Variants in ZSWIM6 observed in about 807,000 individuals in gnomAD.
ZSWIM6 encodes zinc finger SWIM-type containing 6, also known as zinc finger SWIM domain-containing protein 6.
A neutral mutation model predicts 113.2 loss-of-function variants in ZSWIM6; 9 were observed. That is an observed-to-expected ratio of 0.08 (90% CI 0.05 to 0.14). The LOEUF is 0.14. Among genes scored for constraint, ZSWIM6 ranks in the 10% least tolerant of loss-of-function variants. ZSWIM6 has a pLI of 1.00. For missense variants in ZSWIM6, 1,162 were observed against 1,552.2 expected (o/e 0.75, Z 4.22); for synonymous variants, 611 against 606.5 (o/e 1.01, Z -0.11).
intron 4 of ZSWIM6, among the ~76,000 whole-genome samples, chr5:61,510,421 C>T (rs957039233): frequency 2.6e-5 from 4 of 151,920 alleles, no homozygotes; most frequent in African/African-American, 7.3e-5. Flanking sequence ...TTCCCACATT[C>T]TCTGACTGGC....
At chr5:61,457,854 C>G (rs1015747867) in intron 1 of ZSWIM6, among the ~76,000 whole-genome samples, 2 of 152,078 alleles carry the variant, frequency 1.3e-5, no homozygotes, top group Admixed American at 1.3e-4. Flanking sequence ...TCTGATGATA[C>G]TGAAGTACTG....
At chr5:61,431,879 G>A (rs2112136170) in intron 1 of ZSWIM6, among the ~76,000 whole-genome samples, 1 of 152,342 alleles carries the variant, frequency 6.6e-6, no homozygotes, top group South Asian at 2.1e-4. Flanking sequence ...TAGTTTGCCT[G>A]AAGAAAGTTT....
At chr5:61,390,900 G>A (rs1436069086) in intron 1 of ZSWIM6, 4 of 878,768 alleles carry the variant, frequency 4.6e-6, no homozygotes, top group Non-Finnish European at 7.7e-6. Flanking sequence ...AAAGTCATTG[G>A]TCACTTCACC....
At chr5:61,413,070 G>A (rs1004845948) in intron 1 of ZSWIM6, among the ~76,000 whole-genome samples, 1 of 147,958 alleles carries the variant, frequency 6.8e-6, no homozygotes, top group Non-Finnish European at 1.5e-5. Context: ...TGTGCACAAT[G>A]TGCAGGTTAG....
chr5:61,444,906 G>C (rs1746918825), intron 1 of ZSWIM6, among the ~76,000 whole-genome samples: 1 of 152,186 alleles, frequency 6.6e-6, no homozygotes, highest in Admixed American at 6.5e-5. Flanking sequence ...CAATATTCAA[G>C]ATTTAGCAGG....
chr5:61,379,923 G>C (rs1468343530), intron 1 of ZSWIM6, among the ~76,000 whole-genome samples: 7 of 152,098 alleles, frequency 4.6e-5, no homozygotes, highest in African/African-American at 1.7e-4. Context: ...AGCACTATTA[G>C]CAATGTAAAT....
At position 61,545,105 on chromosome 5, in the gene ZSWIM6, A is replaced by G. The variant is rs1749852159; in HGVS notation, c.*788A>G. 6.6e-6 allele frequency: 1 copy of G among 151,704 alleles called. No homozygotes were observed. Among genetic ancestry groups the G allele is most frequent in the African/African-American group, 2.4e-5 (1 of 41,240 alleles). The allele number at this position is 151,704 out of a possible 1,614,324, so 9.4% of individuals were successfully genotyped here. On this transcript the variant is annotated 3_prime_UTR_variant, in exon 14 of 14. Coordinates refer to ENST00000252744, the MANE Select transcript of ZSWIM6 (RefSeq NM_020928.2). ...CAAAAAAAAAACTGAGAGAAAACCT[A>G]TCAGAAGGACTAAAAGTACGCCTTG...
chr5:61,523,421 T>C (rs766733276), intron 5 of ZSWIM6, among the ~76,000 whole-genome samples: 69 of 152,348 alleles, frequency 4.5e-4, no homozygotes, highest in Non-Finnish European at 8.4e-4. Context: ...TGAAAGAGAA[T>C]AATTTTTTAA....
intron 4 of ZSWIM6, among the ~76,000 whole-genome samples, chr5:61,498,988 G>A (rs894004006): frequency 6.6e-6 from 1 of 152,090 alleles, no homozygotes; most frequent in African/African-American, 2.4e-5. Flanking sequence ...CTTTAGTTGA[G>A]TTATTCAAAC....
At chr5:61,355,539 C>T (rs1744884977) in intron 1 of ZSWIM6, among the ~76,000 whole-genome samples, 1 of 149,752 alleles carries the variant, frequency 6.7e-6, no homozygotes, top group Non-Finnish European at 1.5e-5. Context: ...AGTTTTGTAA[C>T]TAAGTGTTAG....
At chr5:61,458,158 T>C (rs932479782) in intron 1 of ZSWIM6, among the ~76,000 whole-genome samples, 1 of 152,220 alleles carries the variant, frequency 6.6e-6, no homozygotes, top group Admixed American at 6.5e-5. Flanking sequence ...GTATTCTAGT[T>C]ACCTCTAAAT....
intron 1 of ZSWIM6, among the ~76,000 whole-genome samples, chr5:61,338,730 T>TAA (rs1744460758): frequency 6.6e-6 from 1 of 152,238 alleles, no homozygotes; most frequent in Non-Finnish European, 1.5e-5. Flanking sequence ...TTTCATTCTT[T>TAA]TTAAAGTCTT....
chr5:61,471,930 G>T (rs545742665), intron 1 of ZSWIM6, among the ~76,000 whole-genome samples: 1 of 150,006 alleles, frequency 6.7e-6, no homozygotes, highest in Non-Finnish European at 1.5e-5. Context: ...CCGTGTATTT[G>T]TGTGTGTGTG....
At chr5:61,439,425 T>C (rs1231261646) in intron 1 of ZSWIM6, among the ~76,000 whole-genome samples, 2 of 152,238 alleles carry the variant, frequency 1.3e-5, no homozygotes, top group Admixed American at 1.3e-4. Flanking sequence ...TGTGCAGGAC[T>C]AGGGTTTTTA....
At chr5:61,362,415 C>T (rs1745049611) in intron 1 of ZSWIM6, among the ~76,000 whole-genome samples, 1 of 152,170 alleles carries the variant, frequency 6.6e-6, no homozygotes, top group Non-Finnish European at 1.5e-5. Flanking sequence ...CCAGGCTGGT[C>T]TCTAACTCCT....
intron 2 of ZSWIM6, among the ~76,000 whole-genome samples, chr5:61,483,878 AAAAT>A (rs921498998): frequency 2.6e-5 from 4 of 151,050 alleles, no homozygotes; most frequent in South Asian, 2.1e-4. Context: ...CTCTGTCTCA[AAAAT>A]AAATAAATAA....
At chr5:61,446,517 CA>C (rs1300518246) in intron 1 of ZSWIM6, among the ~76,000 whole-genome samples, 1 of 152,148 alleles carries the variant, frequency 6.6e-6, no homozygotes, top group East Asian at 1.9e-4. Context: ...TCAACAAAAT[CA>C]CACAAAGATC....
chr5:61,420,363 G>T (rs1746330670), intron 1 of ZSWIM6, among the ~76,000 whole-genome samples: 2 of 152,192 alleles, frequency 1.3e-5, no homozygotes, highest in Non-Finnish European at 1.5e-5. Context: ...CAATATTGTA[G>T]ACATTTCACT....
rs150334703 is a variant in ZSWIM6, at chr5:61,522,254, G to A, written c.1513+812G>A. Among the ~76,000 whole-genome samples the A allele has an allele frequency of 2.4e-3, 367 of 151,976 alleles. 9 individuals are homozygous for A. In the East Asian group the frequency reaches 0.06, roughly 25 times the overall value. On this transcript the variant is annotated intron_variant, in intron 5 of 13. Transcript: ENST00000252744. ...TTCCCTTTCAAAATGAAATTCTTAA[G>A]TAATTATTTCTTGCCAATAGAAATT... is the stretch of plus-strand genomic sequence containing the variant.
Sources: gnomAD v4.1 joint callset for allele counts (sites outside exome capture counted in the v4.1 genomes callset) on GRCh38, gnomAD v4.1.1 for gene constraint, MANE v1.5 for transcripts, NCBI Gene and HGNC (gene_info 2026-07-23, HGNC 2026-07-21) for gene names.